The following TNRC6B variants were observed in gnomAD, a reference collection of about 807,000 sequenced individuals.
TNRC6B encodes trinucleotide repeat-containing gene 6B protein.
TNRC6B carries 52 observed loss-of-function variants against 203.6 expected under a neutral mutation model. The ratio of observed to expected loss-of-function variants is 0.26; its 90% confidence interval spans 0.20 to 0.32. TNRC6B has a LOEUF of 0.32. Ranked by LOEUF, TNRC6B falls within the 10% of genes least tolerant of loss-of-function variation. The pLI is 1.00. For synonymous variants in TNRC6B, 838 were observed against 845.7 expected (o/e 0.99, Z 0.16); for missense variants, 1,923 against 2,286.2 (o/e 0.84, Z 3.24).
chr22:40,181,984 G>A (rs2069136947), intron 1 of TNRC6B, among the ~76,000 whole-genome samples: 2 of 150,604 alleles, frequency 1.3e-5, no homozygotes, highest in African/African-American at 2.4e-5. Flanking sequence ...GGTGGCTCAC[G>A]CCTGTAATCC....
At chr22:40,064,692 C>T (rs1269682970) in intron 1 of TNRC6B, among the ~76,000 whole-genome samples, 1 of 151,474 alleles carries the variant, frequency 6.6e-6, no homozygotes, top group African/African-American at 2.4e-5. Flanking sequence ...TCTCGGCTCA[C>T]TGCAACCTCT....
At position 40,061,935 on chromosome 22, in the gene TNRC6B, G is replaced by T. The variant is rs528749642; in HGVS notation, c.-121+16937G>T. ...CTAAAAATACAAAAATTAGCTGGGC[G>T]TGGTGGTGGGCGCCTGTAATCCAAG... On this transcript the variant is annotated intron_variant, in intron 1 of 23. Coordinates refer to the TNRC6B transcript ENST00000301923. 1.5e-3 allele frequency among the ~76,000 whole-genome samples: 226 copies of T among 152,010 alleles called. 1 individual carries two copies. The highest frequency in any genetic ancestry group is 5.3e-3 in the African/African-American group (220 of 41,518).
At chr22:40,060,402 A>G (rs2146270934) in intron 1 of TNRC6B, among the ~76,000 whole-genome samples, 1 of 152,246 alleles carries the variant, frequency 6.6e-6, no homozygotes, top group East Asian at 1.9e-4. Flanking sequence ...TTAGTCTTCC[A>G]AAGTGCTAGG....
intron 3 of TNRC6B, among the ~76,000 whole-genome samples, chr22:40,153,346 A>C (rs540763333): frequency 3.3e-5 from 5 of 152,264 alleles, no homozygotes; most frequent in African/African-American, 1.2e-4. Context: ...AGGAGGAGAC[A>C]TCCCTAGCGA....
intron 4 of TNRC6B, among the ~76,000 whole-genome samples, chr22:40,168,796 G>C (rs1281667911): frequency 6.6e-6 from 1 of 152,066 alleles, no homozygotes; most frequent in Non-Finnish European, 1.5e-5. Context: ...GCCTTTCCCA[G>C]GTTCTCTCCG....
chr22:40,226,640 C>T (rs1460517545), intron 1 of TNRC6B, among the ~76,000 whole-genome samples: 1 of 152,170 alleles, frequency 6.6e-6, no homozygotes, highest in African/African-American at 2.4e-5. Flanking sequence ...TATGCATCCT[C>T]CTAGAGTTGA....
chr22:40,066,474 A>T (rs1301505556), intron 1 of TNRC6B, among the ~76,000 whole-genome samples: 1 of 152,004 alleles, frequency 6.6e-6, no homozygotes, highest in Non-Finnish European at 1.5e-5. Flanking sequence ...GATGGATTTG[A>T]TTTTGAGGAG....
chr22:40,196,773 G>A (rs2069342379), intron 1 of TNRC6B, among the ~76,000 whole-genome samples: 1 of 152,024 alleles, frequency 6.6e-6, no homozygotes, highest in Non-Finnish European at 1.5e-5. Flanking sequence ...CTGAGGTTCT[G>A]TGTAACCAAA....
At chr22:40,233,729 G>C (rs759103386) in intron 1 of TNRC6B, among the ~76,000 whole-genome samples, 3 of 152,140 alleles carry the variant, frequency 2.0e-5, no homozygotes, top group Non-Finnish European at 4.4e-5. Flanking sequence ...GAAAAGCTTG[G>C]AGTCAGAGGG....
At chr22:40,197,812 G>A (rs1390997218) in intron 1 of TNRC6B, among the ~76,000 whole-genome samples, 2 of 151,374 alleles carry the variant, frequency 1.3e-5, no homozygotes, top group African/African-American at 4.8e-5. Flanking sequence ...GGGTCTCCCT[G>A]TGCTGCTCAG....
At chr22:40,094,192 G>A (rs1053082984) in intron 1 of TNRC6B, among the ~76,000 whole-genome samples, 25 of 152,132 alleles carry the variant, frequency 1.6e-4, no homozygotes, top group African/African-American at 4.6e-4. Flanking sequence ...AAAGCACTAT[G>A]AGTCCTACAC....
intron 3 of TNRC6B, among the ~76,000 whole-genome samples, chr22:40,261,288 T>TA (rs1360931956): frequency 2.0e-5 from 3 of 151,042 alleles, no homozygotes; most frequent in Non-Finnish European, 4.4e-5. Context: ...CTCAAAAAAA[T>TA]AAAAAATAGG....
At chr22:40,154,858 A>AAAT (rs1569000777) in intron 3 of TNRC6B, among the ~76,000 whole-genome samples, 2 of 34,308 alleles carry the variant, frequency 5.8e-5, no homozygotes, top group Non-Finnish European at 9.3e-5. Flanking sequence ...AAAAAAAAAA[A>AAAT]AAATATATAT....
intron 1 of TNRC6B, among the ~76,000 whole-genome samples, chr22:40,073,915 A>G (rs1209881730): frequency 6.6e-6 from 1 of 152,082 alleles, no homozygotes; most frequent in Non-Finnish European, 1.5e-5. Context: ...AAACAATACA[A>G]AAAATTAGTC....
At chr22:40,147,211 G>T (rs6001802) in intron 3 of TNRC6B, among the ~76,000 whole-genome samples, 1 of 147,220 alleles carries the variant, frequency 6.8e-6, no homozygotes. Context: ...GACAAATACC[G>T]TATGATTCTA....
intron 1 of TNRC6B, among the ~76,000 whole-genome samples, chr22:40,228,348 T>G (rs972022912): frequency 2.6e-5 from 4 of 151,270 alleles, no homozygotes; most frequent in Non-Finnish European, 4.4e-5. Flanking sequence ...GAGAATCGCT[T>G]GAACCCGGGA....
chr22:40,146,421 G>GTT (rs946039616), intron 3 of TNRC6B, among the ~76,000 whole-genome samples: 1 of 151,862 alleles, frequency 6.6e-6, no homozygotes, highest in Non-Finnish European at 1.5e-5. Context: ...TTGAGACGGA[G>GTT]TTTCTCTCTT....
At chr22:40,120,285 G>A (rs185635882) in intron 2 of TNRC6B, among the ~76,000 whole-genome samples, 6 of 151,024 alleles carry the variant, frequency 4.0e-5, no homozygotes, top group African/African-American at 7.3e-5. Flanking sequence ...ACATTGAGCC[G>A]TGATCATGCC....
chr22:40,319,294 A>G (rs1410669861), intron 21 of TNRC6B, among the ~76,000 whole-genome samples: 6 of 151,434 alleles, frequency 4.0e-5, no homozygotes, highest in Admixed American at 3.9e-4. Flanking sequence ...GCAAATCTTG[A>G]TACAATTGTC....
Sources: allele counts gnomAD v4.1 joint callset (sites outside exome capture counted in the v4.1 genomes callset), GRCh38; gene constraint gnomAD v4.1.1; transcripts MANE v1.5; gene names NCBI Gene and HGNC (gene_info 2026-07-23, HGNC 2026-07-21).